The following CENPF variants were observed in gnomAD, a reference collection of about 807,000 sequenced individuals.
The protein encoded by CENPF is centromere protein F.
Under a neutral mutation model 307.3 loss-of-function variants are expected in CENPF, and 214 were observed. The observed-to-expected ratio is 0.70, with a 90% CI of 0.62 to 0.78. The LOEUF (loss-of-function observed/expected upper bound fraction) is 0.78. CENPF is among the 30% of genes least tolerant of loss of function. The pLI is 0.00. For synonymous variants in CENPF, 1,259 were observed against 1,270.6 expected (o/e 0.99, Z 0.19); for missense variants, 3,401 against 3,483.9 (o/e 0.98, Z 0.60).
chr1:214,620,957 GC>G lies in CENPF; in HGVS notation c.865+12del. On this transcript the variant is annotated intron_variant, in intron 6 of 19. Transcript: ENST00000366955. ...AAGCGCAGAATCAAGGTAACATTGA[GC>G]TAAGTTAAGTTTAAATTCACTTTGC... The G allele has an allele frequency of 6.3e-7, 1 of 1,583,280 alleles. No homozygotes were observed. The highest frequency in any genetic ancestry group is 1.4e-5 in the African/African-American group (1 of 73,456).
intron 7 of CENPF, among the ~76,000 whole-genome samples, chr1:214,628,527 C>T (rs1297114233): frequency 6.6e-6 from 1 of 152,084 alleles, no homozygotes; most frequent in Non-Finnish European, 1.5e-5. Flanking sequence ...CACTGCAACC[C>T]CTGCCTCCTG....
At chr1:214,609,003 C>G (rs1253860672) in intron 1 of CENPF, among the ~76,000 whole-genome samples, 2 of 151,760 alleles carry the variant, frequency 1.3e-5, no homozygotes, top group African/African-American at 4.8e-5. Context: ...AGGCCAGGGC[C>G]CAGCCCCATC....
intron 15 of CENPF, 132 bp downstream of exon 15, chr1:214,652,018 C>A: frequency 4.9e-6 from 3 of 607,252 alleles, no homozygotes; most frequent in Non-Finnish European, 7.6e-6. Context: ...AAAGGTCTCA[C>A]ATTAACTTCA....
At position 214,622,996 on chromosome 1, in the gene CENPF, G is replaced by C. The variant is rs530147084; in HGVS notation, c.1068+715G>C. 3.3e-5 allele frequency among the ~76,000 whole-genome samples: 5 copies of C among 152,306 alleles called. No homozygotes were observed. The South Asian group carries it at 1.0e-3, about 32-fold the overall frequency. On this transcript the variant is annotated intron_variant, in intron 7 of 19. Transcript: ENST00000366955. ...GGAGGTTGAGACACGCGGATCACTTGAGGCTAGGAGATCAAGACCAGCTAG... is the reference window on the plus strand; with the variant it reads ...GGAGGTTGAGACACGCGGATCACTTCAGGCTAGGAGATCAAGACCAGCTAG...
chr1:214,639,130 G>T (rs1295951058), intron 11 of CENPF, among the ~76,000 whole-genome samples: 1 of 152,186 alleles, frequency 6.6e-6, no homozygotes, highest in Non-Finnish European at 1.5e-5. Flanking sequence ...TACTGTGGAG[G>T]TTCTCAACTT....
intron 1 of CENPF, chr1:214,613,384 G>A (rs951316875): frequency 3.3e-4 from 68 of 205,270 alleles, no homozygotes; most frequent in African/African-American, 1.5e-3. Flanking sequence ...TCCTGATCCT[G>A]TGGTGACTGC....
intron 11 of CENPF, 40 bp downstream of exon 11, chr1:214,638,041 G>C (rs1658010315): frequency 6.4e-7 from 1 of 1,565,892 alleles, no homozygotes; most frequent in South Asian, 1.2e-5. Context: ...TTTCTAAGCT[G>C]CTATTCCCGT....
At chr1:214,611,744 G>A (rs562958973) in intron 1 of CENPF, among the ~76,000 whole-genome samples, 3 of 152,326 alleles carry the variant, frequency 2.0e-5, no homozygotes, top group East Asian at 1.9e-4. Context: ...TGTGGCAATC[G>A]TGAATGAGAT....
At chr1:214,609,540 A>T (rs1303584984) in intron 1 of CENPF, among the ~76,000 whole-genome samples, 1 of 152,166 alleles carries the variant, frequency 6.6e-6, no homozygotes, top group Non-Finnish European at 1.5e-5. Context: ...TTCTTTGTTT[A>T]TAGGACCTAT....
chr1:214,659,046 TC>T lies in CENPF; in HGVS notation c.9141+20del. The T allele has an allele frequency of 6.2e-7, 1 of 1,613,218 alleles. No individual in the cohort carries two copies. Among genetic ancestry groups the T allele is most frequent in the Non-Finnish European group, 8.5e-7 (1 of 1,179,574 alleles). ...CACAAAAGGTAAACTACTGTCAACA[TC>T]CGTCTACTGTTTGAGATCCAGAAAA... is the stretch of plus-strand genomic sequence containing the variant. On this transcript the variant is annotated intron_variant, in intron 19 of 19. Coordinates refer to ENST00000366955, the MANE Select transcript of CENPF (RefSeq NM_016343.4). The surrounding 1 kb of genome is among the most constrained non-coding windows in gnomAD (Gnocchi z 4.4).
rs1209439708 is a variant in CENPF at position 214,616,834 on chromosome 1, CCTCTTTCTTTCTTTCTTTCTTTCT to C, written c.360-1738_360-1715del. Among the ~76,000 whole-genome samples the C allele has an allele frequency of 1.8e-3, 257 of 143,794 alleles. 7 individuals carry two copies. Among genetic ancestry groups the C allele is most frequent in the African/African-American group, 6.8e-3 (251 of 37,108 alleles). The allele number at this position is 143,794 out of a possible 152,430, so 94.3% of individuals were successfully genotyped here. A position where few individuals can be genotyped will look rare whatever the true frequency, so the allele number is the denominator to read the frequency against. On this transcript the variant is annotated intron_variant, in intron 3 of 19. Coordinates refer to ENST00000366955, the MANE Select transcript of CENPF (RefSeq NM_016343.4). ...TCCTTCCTTCCTTCTTTCCTTCCTT[CCTCTTTCTTTCTTTCTTTCTTTCT>C]TTCTTTCTTTCTTTCTTTCTTTCTT...
rs1483522997 is a variant in CENPF, at chr1:214,642,175, G to T, written c.3837G>T (p.Leu1279Phe). The change falls in exon 12 of 20, where the codon TTG becomes TTT. Residue 1279 changes from leucine to phenylalanine, a missense_variant. Coordinates refer to ENST00000366955, the MANE Select transcript of CENPF (RefSeq NM_016343.4). ...EEKYISGPHE[L>F]STSQNDNAHL... ...AGTATATTTCAGGGCCTCATGAGTT[G>T]TCAACAAGTCAAAACGACAATGCAC... 1 of 1,614,036 alleles carries T rather than the reference G, an allele frequency of 6.2e-7. No individual in the cohort carries two copies. The highest frequency in any genetic ancestry group is 8.5e-7 in the Non-Finnish European group (1 of 1,180,024).
chr1:214,627,604 G>A (rs1657691683), intron 7 of CENPF, among the ~76,000 whole-genome samples: 1 of 149,374 alleles, frequency 6.7e-6, no homozygotes, highest in African/African-American at 2.5e-5. Context: ...TCAAACTCCT[G>A]ACCTCAGGTG....
In CENPF at chr1:214,659,112, C is replaced by G; in HGVS notation, c.9141+84C>G. The G allele has an allele frequency of 2.8e-6, 4 of 1,427,632 alleles. No individual in the cohort carries two copies. Among genetic ancestry groups the G allele is most frequent in the Non-Finnish European group, 3.9e-6 (4 of 1,036,428 alleles). The allele number at this position is 1,427,632 out of a possible 1,614,324, so 88.4% of individuals were successfully genotyped here. The stretch of plus-strand genomic sequence containing the variant: ...GGGTGAGGATTGGACACTGCACCCC[C>G]GATTCAGGAGCGCTTTCAAAAAGTC... On this transcript the variant is annotated intron_variant, in intron 19 of 19. Transcript: ENST00000366955. This position sits in a 1 kb window ranked among gnomAD's most constrained non-coding sequence, Gnocchi z 4.4.
chr1:214,652,889 C>A lies in CENPF; in HGVS notation c.8222C>A (p.Ser2741Ter). The A allele has an allele frequency of 6.2e-7, 1 of 1,608,392 alleles. No homozygotes were observed. Among genetic ancestry groups the A allele is most frequent in the South Asian group, 1.1e-5 (1 of 89,628 alleles). ...KLTSKEECLS[S>*]QKLEIDLLKS... ...ACTTCTAAAGAAGAATGTCTCAGTTCACAGAAGCTGGAGATAGACCTTTTA... is the reference window on the plus strand; with the variant it reads ...ACTTCTAAAGAAGAATGTCTCAGTTAACAGAAGCTGGAGATAGACCTTTTA... Residue 2741 changes from serine (S) to a stop codon, truncating the protein, a stop_gained, in exon 16 of 20, where the codon TCA (serine) becomes TAA (stop). Coordinates refer to ENST00000366955, the MANE Select transcript of CENPF (RefSeq NM_016343.4). LOFTEE classifies it high-confidence loss of function.
intron 14 of CENPF, among the ~76,000 whole-genome samples, chr1:214,650,210 C>G (rs993783927): frequency 2.6e-5 from 4 of 152,022 alleles, no homozygotes; most frequent in Non-Finnish European, 5.9e-5. Flanking sequence ...TGGTGGGGAG[C>G]CTTCTAGGTC....
intron 1 of CENPF, chr1:214,605,868 C>T: frequency 3.8e-6 from 6 of 1,597,096 alleles, no homozygotes; most frequent in African/African-American, 1.3e-5. Flanking sequence ...ATGATGAGCA[C>T]GGGCGACGTG....
At chr1:214,653,295 A>G (rs932337396) in intron 16 of CENPF, among the ~76,000 whole-genome samples, 11 of 152,162 alleles carry the variant, frequency 7.2e-5, no homozygotes, top group African/African-American at 2.7e-4. Flanking sequence ...CTCTTAAGCT[A>G]TAGAAAACAG....
intron 12 of CENPF, among the ~76,000 whole-genome samples, chr1:214,643,559 A>ATT (rs1315198431): frequency 5.9e-5 from 9 of 152,234 alleles, no homozygotes; most frequent in African/African-American, 1.7e-4. Context: ...TATATAGAAT[A>ATT]TTACTAAAGA....
Sources: gnomAD v4.1 joint callset for allele counts (sites outside exome capture counted in the v4.1 genomes callset) on GRCh38, gnomAD v4.1.1 for gene constraint, Gnocchi (gnomAD v3.1) non-coding constraint, MANE v1.5 for transcripts, NCBI Gene and HGNC (gene_info 2026-07-23, HGNC 2026-07-21) for gene names.